The following STK39 variants were observed in gnomAD, a reference collection of about 807,000 sequenced individuals.
STK39 encodes serine/threonine kinase 39.
In STK39, 20 loss-of-function variants were observed where a neutral mutation model predicts 77.8. That is an observed-to-expected ratio of 0.26 (90% CI 0.18 to 0.37). STK39 has a LOEUF of 0.37. Among genes scored for constraint, STK39 ranks in the 10% least tolerant of loss-of-function variants. The probability of loss-of-function intolerance (pLI) is 1.00; values close to 1 mark genes in which losing one functional copy is unlikely to be tolerated. For missense variants in STK39, 479 were observed against 656.5 expected (o/e 0.73, Z 2.95); for synonymous variants, 246 against 234.1 (o/e 1.05, Z -0.47).
chr2:168,216,126 A>G (rs1690019254), intron 1 of STK39, among the ~76,000 whole-genome samples: 1 of 116,380 alleles, frequency 8.6e-6, no homozygotes, highest in Admixed American at 7.8e-5. Flanking sequence ...AACAGAGTTC[A>G]GATATGGATA....
intron 7 of STK39, 134 bp downstream of exon 7, chr2:168,140,155 T>C (rs2105530010): frequency 1.4e-6 from 1 of 735,736 alleles, no homozygotes. Flanking sequence ...AATCAGACAA[T>C]GTTCAACTTG....
chr2:168,024,842 T>C (rs1225182639), intron 14 of STK39, among the ~76,000 whole-genome samples: 1 of 152,142 alleles, frequency 6.6e-6, no homozygotes, highest in Admixed American at 6.5e-5. Context: ...AACTGAGGCT[T>C]AGAAAGGATA....
chr2:168,247,369 C>T lies in STK39; in HGVS notation c.67G>A (p.Ala23Thr). ...GCGGCCGCCGGGGCCGCCGCCGCCG[C>T]CGCTGTCACCGGGGCCGCCTGCTGG... ...LPQQAAPVTAAAAAAPAAATA... is the reference protein window; with the variant it reads ...LPQQAAPVTATAAAAPAAATA... Residue 23 changes from alanine (A) to threonine (T), a missense_variant, in exon 1 of 18, where the codon GCG becomes ACG. Ala to Thr is a moderately conservative substitution (Grantham distance 58, BLOSUM62 0). Transcript: ENST00000355999. 2 of 1,002,494 alleles carry T rather than the reference C, an allele frequency of 2.0e-6. No individual in the cohort carries two copies. Among genetic ancestry groups the T allele is most frequent in the Non-Finnish European group, 2.5e-6 (2 of 812,216 alleles). The allele number at this position is 1,002,494 out of a possible 1,614,324, so 62.1% of individuals were successfully genotyped here.
At chr2:168,054,052 TCTC>T (rs1685462387) in intron 14 of STK39, among the ~76,000 whole-genome samples, 1 of 152,244 alleles carries the variant, frequency 6.6e-6, no homozygotes, top group South Asian at 2.1e-4. Flanking sequence ...ATCTTTAGCA[TCTC>T]CTCCAAGAAA....
chr2:167,995,018 C>T (rs576497318), intron 16 of STK39, among the ~76,000 whole-genome samples: 37 of 152,002 alleles, frequency 2.4e-4, no homozygotes, highest in African/African-American at 8.4e-4. Context: ...ATGATGACTA[C>T]ATGAAGTCTA....
At chr2:168,185,807 G>A (rs1328164458) in intron 1 of STK39, among the ~76,000 whole-genome samples, 4 of 152,144 alleles carry the variant, frequency 2.6e-5, no homozygotes, top group African/African-American at 9.7e-5. Flanking sequence ...GCAGCAAAAA[G>A]ATATTTGCTT....
chr2:168,223,770 C>T (rs1374215179), intron 1 of STK39, among the ~76,000 whole-genome samples: 1 of 152,014 alleles, frequency 6.6e-6, no homozygotes, highest in Non-Finnish European at 1.5e-5. Context: ...GATCAGGCAT[C>T]AAGTATGCTG....
At chr2:168,160,536 A>C (rs921222611) in intron 5 of STK39, among the ~76,000 whole-genome samples, 2 of 151,920 alleles carry the variant, frequency 1.3e-5, no homozygotes, top group Non-Finnish European at 2.9e-5. Context: ...CTTGCCTATT[A>C]TGTGTTGGCC....
chr2:168,195,063 T>C (rs990757689), intron 1 of STK39, among the ~76,000 whole-genome samples: 3 of 152,216 alleles, frequency 2.0e-5, no homozygotes, highest in Admixed American at 1.3e-4. Context: ...ACTTGTTAAA[T>C]TGACATTTTC....
chr2:168,186,524 A>G (rs1482135422), intron 1 of STK39, among the ~76,000 whole-genome samples: 1 of 152,192 alleles, frequency 6.6e-6, no homozygotes. Flanking sequence ...TGTAGTTCCC[A>G]TCTTAGGTTA....
intron 1 of STK39, among the ~76,000 whole-genome samples, chr2:168,199,663 C>T (rs1382225295): frequency 1.3e-5 from 2 of 151,896 alleles, no homozygotes; most frequent in African/African-American, 2.4e-5. Context: ...TACAGGTACA[C>T]GCCACCATGC....
At chr2:168,189,880 C>T (rs1689296695) in intron 1 of STK39, among the ~76,000 whole-genome samples, 1 of 152,136 alleles carries the variant, frequency 6.6e-6, no homozygotes, top group Admixed American at 6.6e-5. Context: ...GAGTAAAACA[C>T]ATAACCTTTC....
In STK39 at chr2:168,129,596, T is replaced by C. The variant is rs1275285562; in HGVS notation, c.1034A>G (p.Tyr345Cys). The change falls in exon 10 of 18, where the codon TAC (tyrosine) becomes TGC (cysteine). Residue 345 changes from tyrosine (Y) to cysteine (C), a missense_variant. Physicochemically the swap from Tyr to Cys is radical, Grantham distance 194. This residue lies in a region of STK39 where 244 missense variants were observed against 296.8 expected (regional missense o/e 0.82). Transcript: ENST00000355999. ...TCTTGTAAGCAGCTTCTCAATCAGGTACTCTCTGTTCTGCAAAACAAATAT... is the reference window on the plus strand; with the variant it reads ...TCTTGTAAGCAGCTTCTCAATCAGGCACTCTCTGTTCTGCAAAACAAATAT... ...KFFQKAKNREYLIEKLLTRTP... is the reference protein window; with the variant it reads ...KFFQKAKNRECLIEKLLTRTP... 1 of 1,614,066 alleles carries C rather than the reference T, an allele frequency of 6.2e-7. No individual in the cohort carries two copies. The highest frequency in any genetic ancestry group is 2.2e-5 in the East Asian group (1 of 44,872).
chr2:168,113,470 C>A (rs1186823261), intron 10 of STK39, among the ~76,000 whole-genome samples: 2 of 152,122 alleles, frequency 1.3e-5, no homozygotes, highest in Non-Finnish European at 2.9e-5. Context: ...AAGGGCTGCT[C>A]CAGTGACATT....
chr2:168,245,264 T>G (rs1330249343), intron 1 of STK39, among the ~76,000 whole-genome samples: 1 of 152,212 alleles, frequency 6.6e-6, no homozygotes, highest in Non-Finnish European at 1.5e-5. Flanking sequence ...CTTCCTTCTC[T>G]TTCCTGGCAG....
At chr2:167,986,599 G>A (rs1683565634) in intron 16 of STK39, among the ~76,000 whole-genome samples, 1 of 152,070 alleles carries the variant, frequency 6.6e-6, no homozygotes, top group Admixed American at 6.6e-5. Flanking sequence ...CACCAGAAAT[G>A]GATTTAGACT....
chr2:168,151,738 C>CAAAAAAAA (rs146231233), intron 5 of STK39, among the ~76,000 whole-genome samples: 1 of 111,478 alleles, frequency 9.0e-6, no homozygotes, highest in Non-Finnish European at 2.1e-5. Flanking sequence ...GACTCGGTCT[C>CAAAAAAAA]AAAAAAAAAA....
intron 1 of STK39, among the ~76,000 whole-genome samples, chr2:168,229,610 CAAAGT>C (rs1320974180): frequency 2.0e-5 from 3 of 152,088 alleles, no homozygotes; most frequent in African/African-American, 7.2e-5. Context: ...GGATTGACTT[CAAAGT>C]AAAGAAACTT....
Position 168,133,201 on chromosome 2 carries a change from G to A in STK39, c.975-3443C>T, listed in dbSNP as rs59605099. Among the ~76,000 whole-genome samples the A allele has an allele frequency of 4.5e-3, 678 of 152,260 alleles. 3 individuals are homozygous for A. The highest frequency in any genetic ancestry group is 0.015 in the African/African-American group (621 of 41,542). On this transcript the variant is annotated intron_variant, in intron 8 of 17. Transcript: ENST00000355999. The stretch of plus-strand genomic sequence containing the variant: ...TACCAGGGATACCTTGAGATACGGG[G>A]CTGGGAAAATACTTTGCCTTCTCCA...
Sources: allele counts gnomAD v4.1 joint callset (sites outside exome capture counted in the v4.1 genomes callset), GRCh38; gene constraint gnomAD v4.1.1; regional missense constraint gnomAD v4.1.1; transcripts MANE v1.5; gene names NCBI Gene and HGNC (gene_info 2026-07-23, HGNC 2026-07-21).